The following MGMT variants were observed in gnomAD, a reference collection of about 807,000 sequenced individuals.
The protein encoded by MGMT is O-6-methylguanine-DNA methyltransferase, also known as methylated-DNA--protein-cysteine methyltransferase.
Under a neutral mutation model 15.9 loss-of-function variants are expected in MGMT, and 14 were observed. That is an observed-to-expected ratio of 0.88 (90% confidence interval 0.58 to 1.37). MGMT has a LOEUF of 1.37. Ranked by LOEUF, MGMT falls within the 40% of genes most tolerant of loss-of-function variation. The pLI is 0.00. For missense variants in MGMT, 282 were observed against 268.1 expected (o/e 1.05, Z -0.36); for synonymous variants, 130 against 118.2 (o/e 1.10, Z -0.65).
chr10:129,649,339 TC>T (rs2133096215), intron 2 of MGMT, among the ~76,000 whole-genome samples: 1 of 152,204 alleles, frequency 6.6e-6, no homozygotes, highest in Non-Finnish European at 1.5e-5. Context: ...CGCTGTATCT[TC>T]CCGCGACGTG....
chr10:129,583,208 A>G (rs1846577811), intron 2 of MGMT, among the ~76,000 whole-genome samples: 1 of 152,236 alleles, frequency 6.6e-6, no homozygotes, highest in Non-Finnish European at 1.5e-5. Flanking sequence ...ACTTGTAGTA[A>G]TAAGTTAAAT....
At chr10:129,517,828 G>A (rs1479791648) in intron 1 of MGMT, among the ~76,000 whole-genome samples, 1 of 152,154 alleles carries the variant, frequency 6.6e-6, no homozygotes, top group African/African-American at 2.4e-5. Context: ...TAACTGCGAC[G>A]CCGCAGCCCG....
intron 2 of MGMT, among the ~76,000 whole-genome samples, chr10:129,654,115 C>T (rs1181325706): frequency 2.0e-5 from 3 of 152,154 alleles, no homozygotes; most frequent in Non-Finnish European, 2.9e-5. Context: ...GTGGCTGCCT[C>T]GCCGACCCCC....
chr10:129,646,755 T>TATATATATATATATATATATATATA (rs375027874), intron 2 of MGMT, among the ~76,000 whole-genome samples: 14 of 78,480 alleles, frequency 1.8e-4, no homozygotes, highest in African/African-American at 5.6e-4. Context: ...TATATATATA[T>TATATATATATATATATATATATATA]TTTCAGGGAA....
intron 1 of MGMT, among the ~76,000 whole-genome samples, chr10:129,517,078 A>C (rs912917217): frequency 1.3e-5 from 2 of 152,236 alleles, no homozygotes; most frequent in Non-Finnish European, 2.9e-5. Context: ...CAGCTTCTCC[A>C]GGTAAGACTG....
At chr10:129,589,186 T>C (rs956679000) in intron 2 of MGMT, among the ~76,000 whole-genome samples, 2 of 152,252 alleles carry the variant, frequency 1.3e-5, no homozygotes, top group Non-Finnish European at 2.9e-5. Flanking sequence ...ATGGTGTCTG[T>C]TCTCGCAGTC....
chr10:129,507,121 CGACCAGTTCCTGTGAG>C (rs753520182), intron 1 of MGMT, among the ~76,000 whole-genome samples: 99 of 152,070 alleles, frequency 6.5e-4, no homozygotes, highest in Non-Finnish European at 1.3e-3. Flanking sequence ...GTTCCTGCGA[CGACCAGTTCCTGTGAG>C]GACCGGGTGA....
chr10:129,756,523 G>A (rs1487591992), intron 3 of MGMT, among the ~76,000 whole-genome samples: 9 of 152,186 alleles, frequency 5.9e-5, no homozygotes, highest in East Asian at 3.9e-4. Flanking sequence ...AGGCTGGAGC[G>A]CAGTGGCACA....
chr10:129,737,346 C>G (rs559972376), intron 3 of MGMT, among the ~76,000 whole-genome samples: 177 of 152,242 alleles, frequency 1.2e-3, no homozygotes, highest in African/African-American at 4.1e-3. Flanking sequence ...TTGATTGCAT[C>G]GGCTCCTGAG....
At chr10:129,645,366 C>T (rs1311321767) in intron 2 of MGMT, among the ~76,000 whole-genome samples, 1 of 152,126 alleles carries the variant, frequency 6.6e-6, no homozygotes, top group South Asian at 2.1e-4. Flanking sequence ...AGGTGATCCA[C>T]CCACCTCAGC....
chr10:129,529,360 T>C (rs1202453295), intron 1 of MGMT, among the ~76,000 whole-genome samples: 2 of 152,142 alleles, frequency 1.3e-5, no homozygotes, highest in Non-Finnish European at 2.9e-5. Context: ...GGGATGAAAC[T>C]GTTCCACCTC....
chr10:129,503,948 TCTTTGTGTG>T (rs1278635868), intron 1 of MGMT, among the ~76,000 whole-genome samples: 1 of 152,224 alleles, frequency 6.6e-6, no homozygotes, highest in Non-Finnish European at 1.5e-5. Context: ...TGTTTCCCTG[TCTTTGTGTG>T]CACTGGGAAC....
Position 129,567,722 on chromosome 10 carries a change from A to G in MGMT, c.125+31345A>G, listed in dbSNP as rs117159736. 5.4e-4 allele frequency among the ~76,000 whole-genome samples: 83 copies of G among 152,336 alleles called. 1 individual carries two copies. The East Asian group carries it at 0.016, about 29-fold the overall frequency. The stretch of plus-strand genomic sequence containing the variant: ...AGGTTATTTTGTGTTCAAGAGCTAC[A>G]TTTATCACAAAAATGATGATATACA... On this transcript the variant is annotated intron_variant, in intron 2 of 4. Coordinates refer to ENST00000651593, the MANE Select transcript of MGMT (RefSeq NM_002412.5).
chr10:129,655,793 T>C (rs1414863032), intron 2 of MGMT, among the ~76,000 whole-genome samples: 1 of 152,216 alleles, frequency 6.6e-6, no homozygotes, highest in African/African-American at 2.4e-5. Context: ...CTCTTCATGC[T>C]CATGCTCTCT....
chr10:129,525,149 T>A (rs1845855700), intron 1 of MGMT, among the ~76,000 whole-genome samples: 1 of 152,198 alleles, frequency 6.6e-6, no homozygotes, highest in Non-Finnish European at 1.5e-5. Flanking sequence ...AGTTTGTATG[T>A]TAACTGCTTG....
chr10:129,625,750 CATGT>C (rs1847140823), intron 2 of MGMT, among the ~76,000 whole-genome samples: 1 of 151,856 alleles, frequency 6.6e-6, no homozygotes, highest in Non-Finnish European at 1.5e-5. Flanking sequence ...TGTGTGCATG[CATGT>C]ATGTGTGTGT....
chr10:129,707,482 C>T (rs1000578439), intron 2 of MGMT, among the ~76,000 whole-genome samples: 3 of 152,038 alleles, frequency 2.0e-5, no homozygotes, highest in Admixed American at 1.3e-4. Context: ...AGGCAGAACG[C>T]GTGGATGTGG....
chr10:129,603,103 TA>T (rs1208004424), intron 2 of MGMT, among the ~76,000 whole-genome samples: 3 of 152,240 alleles, frequency 2.0e-5, no homozygotes, highest in African/African-American at 7.2e-5. Flanking sequence ...TTGATGCGAC[TA>T]AAATTCTTGT....
chr10:129,650,753 A>G (rs1589915525), intron 2 of MGMT, among the ~76,000 whole-genome samples: 1 of 152,264 alleles, frequency 6.6e-6, no homozygotes, highest in Non-Finnish European at 1.5e-5. Flanking sequence ...TCGGTCACAC[A>G]CTGTGAAGAT....
Sources: gnomAD v4.1 joint callset for allele counts (sites outside exome capture counted in the v4.1 genomes callset) on GRCh38, gnomAD v4.1.1 for gene constraint, MANE v1.5 for transcripts, NCBI Gene and HGNC (gene_info 2026-07-23, HGNC 2026-07-21) for gene names.